CCDC181: variants seen among roughly 807,000 people sequenced by gnomAD.
CCDC181 encodes the protein coiled-coil domain containing 181.
Under a neutral mutation model 58.7 loss-of-function variants are expected in CCDC181, and 35 were observed. The ratio of observed to expected loss-of-function variants is 0.60; its 90% CI spans 0.46 to 0.79. The LOEUF (loss-of-function observed/expected upper bound fraction) is 0.79. Ranked by LOEUF, CCDC181 falls within the 30% of genes least tolerant of loss-of-function variation. CCDC181 has a pLI of 0.00. For synonymous variants in CCDC181, 183 were observed against 197.5 expected, an observed-to-expected ratio of 0.93 and a Z score of 0.62; for missense variants, 517 against 583.9, an observed-to-expected ratio of 0.89 and a Z score of 1.18.
At chr1:169,450,613 G>T (rs971769129) in intron 2 of CCDC181, among the ~76,000 whole-genome samples, 5 of 152,162 alleles carry the variant, frequency 3.3e-5, no homozygotes, top group Non-Finnish European at 4.4e-5. Flanking sequence ...ATTGCTATAA[G>T]AATGTGCATA....
intron 4 of CCDC181, among the ~76,000 whole-genome samples, chr1:169,411,359 A>T (rs1367148805): frequency 6.6e-6 from 1 of 152,216 alleles, no homozygotes; most frequent in East Asian, 1.9e-4. Context: ...ATCTCTGTAT[A>T]GACCAATAAC....
At chr1:169,416,083 G>A (rs947731428) in intron 4 of CCDC181, among the ~76,000 whole-genome samples, 5 of 152,212 alleles carry the variant, frequency 3.3e-5, no homozygotes, top group African/African-American at 9.6e-5. Context: ...TGTAAGAATC[G>A]TGTTCTAGGG....
chr1:169,438,888 C>G (rs1657128091), intron 2 of CCDC181, among the ~76,000 whole-genome samples: 1 of 152,166 alleles, frequency 6.6e-6, no homozygotes, highest in African/African-American at 2.4e-5. Flanking sequence ...AAAGATGAGA[C>G]AGACAGAAGG....
intron 2 of CCDC181, among the ~76,000 whole-genome samples, chr1:169,433,759 C>T (rs1342655583): frequency 6.6e-6 from 1 of 151,928 alleles, no homozygotes; most frequent in Non-Finnish European, 1.5e-5. Flanking sequence ...ACCCTTACCT[C>T]GCACCATATT....
chr1:169,450,743 T>C (rs537791130), intron 2 of CCDC181, among the ~76,000 whole-genome samples: 2 of 152,324 alleles, frequency 1.3e-5, no homozygotes, highest in Admixed American at 1.3e-4. Flanking sequence ...AGCTGTACTG[T>C]GTTATGTTCC....
intron 4 of CCDC181, among the ~76,000 whole-genome samples, chr1:169,411,012 C>T (rs1571477749): frequency 6.6e-6 from 1 of 152,138 alleles, no homozygotes; most frequent in East Asian, 1.9e-4. Flanking sequence ...CATTCAAAAG[C>T]TAGCAGAAAG....
chr1:169,453,443 C>T (rs148350769), intron 2 of CCDC181, among the ~76,000 whole-genome samples: 3 of 152,164 alleles, frequency 2.0e-5, no homozygotes, highest in Non-Finnish European at 4.4e-5. Context: ...TCATACAACC[C>T]TTTCCTAGTC....
intron 1 of CCDC181, among the ~76,000 whole-genome samples, chr1:169,460,076 A>G (rs1274948346): frequency 1.3e-5 from 2 of 152,116 alleles, no homozygotes; most frequent in Non-Finnish European, 2.9e-5. Context: ...CCTCTGAAAG[A>G]CTTTTCTGGA....
At chr1:169,401,463 G>T (rs1377908191) in intron 4 of CCDC181, among the ~76,000 whole-genome samples, 1 of 152,188 alleles carries the variant, frequency 6.6e-6, no homozygotes, top group Non-Finnish European at 1.5e-5. Flanking sequence ...CCAGAGGAAG[G>T]ATCAGGCAGC....
chr1:169,438,149 T>C (rs1021377416), intron 2 of CCDC181, among the ~76,000 whole-genome samples: 2 of 152,156 alleles, frequency 1.3e-5, no homozygotes, highest in African/African-American at 4.8e-5. Flanking sequence ...GACAAATTTT[T>C]AGCACAAAGT....
chr1:169,457,281 G>A (rs567053593), intron 2 of CCDC181, among the ~76,000 whole-genome samples: 19 of 152,056 alleles, frequency 1.2e-4, no homozygotes, highest in East Asian at 1.2e-3. Flanking sequence ...CATGTTTTTC[G>A]TCAGTTTTGC....
At chr1:169,436,053 C>G (rs1657047378) in intron 2 of CCDC181, among the ~76,000 whole-genome samples, 1 of 152,130 alleles carries the variant, frequency 6.6e-6, no homozygotes, top group Admixed American at 6.6e-5. Context: ...AAAGCTAATA[C>G]AGTTTGTGAA....
intron 1 of CCDC181, 124 bp from the exon 2 acceptor site, chr1:169,425,074 A>G: frequency 2.2e-6 from 1 of 461,516 alleles, no homozygotes. Flanking sequence ...GTTCAAAATG[A>G]ACATGCACTT....
chr1:169,437,203 T>A (rs922305021), intron 2 of CCDC181, among the ~76,000 whole-genome samples: 23 of 152,192 alleles, frequency 1.5e-4, no homozygotes, highest in Non-Finnish European at 2.9e-4. Context: ...CAAGATCAGA[T>A]GAGCCAGTTT....
chr1:169,402,284 C>T (rs1376663711), intron 4 of CCDC181, among the ~76,000 whole-genome samples: 2 of 152,094 alleles, frequency 1.3e-5, no homozygotes, highest in African/African-American at 2.4e-5. Flanking sequence ...GGCCAACATT[C>T]AAATTCAGGA....
chr1:169,428,046 TA>T (rs1308244674), upstream of CCDC181, among the ~76,000 whole-genome samples: 1 of 152,204 alleles, frequency 6.6e-6, no homozygotes, highest in Non-Finnish European at 1.5e-5. Flanking sequence ...CTGGGAGAAG[TA>T]AAAATATTTC....
chr1:169,408,844 T>C (rs1168604358), intron 4 of CCDC181, among the ~76,000 whole-genome samples: 1 of 151,932 alleles, frequency 6.6e-6, no homozygotes, highest in Non-Finnish European at 1.5e-5. Context: ...AGCATCAACA[T>C]CAACAAAAAG....
chr1:169,402,980 A>G (rs1333652309), intron 4 of CCDC181, among the ~76,000 whole-genome samples: 2 of 144,834 alleles, frequency 1.4e-5, no homozygotes, highest in African/African-American at 5.0e-5. Context: ...ATGGAAAACA[A>G]ACAAAAAAAA....
At position 169,446,352 on chromosome 1, in the gene CCDC181, G is replaced by A. The variant is rs540326294; in HGVS notation, c.-24+13445C>T. 5.9e-5 allele frequency among the ~76,000 whole-genome samples: 9 copies of A among 152,248 alleles called. No individual in the cohort carries two copies. In the East Asian group the frequency reaches 1.5e-3, roughly 26 times the overall value. ...CCAGCTACTTGGGAGGCTGAGACAGGAGAACTGCTTGAACCCAGGAGGCAG... is the reference window on the plus strand; with the variant it reads ...CCAGCTACTTGGGAGGCTGAGACAGAAGAACTGCTTGAACCCAGGAGGCAG... On this transcript the variant is annotated intron_variant, in intron 2 of 6. Transcript: ENST00000545005.
Sources: allele counts gnomAD v4.1 joint callset (sites outside exome capture counted in the v4.1 genomes callset), GRCh38; gene constraint gnomAD v4.1.1; transcripts MANE v1.5; gene names NCBI Gene and HGNC (gene_info 2026-07-23, HGNC 2026-07-21).